Variants in ENTPD3 observed in about 807,000 individuals in gnomAD.
ENTPD3 encodes CD39 antigen-like 3.
In ENTPD3, 60 loss-of-function variants were observed where a neutral mutation model predicts 51.2. That is an observed-to-expected ratio of 1.17 (90% CI 0.95 to 1.45). The LOEUF (loss-of-function observed/expected upper bound fraction) is 1.45, where lower values mean the gene tolerates loss of function less well. Ranked by LOEUF, ENTPD3 falls within the 40% of genes most tolerant of loss-of-function variation. ENTPD3 has a pLI of 0.00. For synonymous variants in ENTPD3, 221 were observed against 238.4 expected, an observed-to-expected ratio of 0.93 and a Z score of 0.67; for missense variants, 593 against 641.1, an observed-to-expected ratio of 0.93 and a Z score of 0.81.
intron 9 of ENTPD3, 36 bp from the exon 10 acceptor site, chr3:40,423,790 G>T (rs754955139): frequency 1.2e-6 from 2 of 1,607,922 alleles, no homozygotes; most frequent in East Asian, 4.5e-5. Flanking sequence ...AAACATACCT[G>T]CCTGCCCTGC....
At chr3:40,412,284 T>C (rs147958219) in intron 5 of ENTPD3, among the ~76,000 whole-genome samples, 73 of 152,312 alleles carry the variant, frequency 4.8e-4, no homozygotes, top group Middle Eastern at 6.8e-3. Context: ...AGTTGGCATT[T>C]GACACCTGTG....
chr3:40,411,524 G>T (rs944197102), intron 4 of ENTPD3, among the ~76,000 whole-genome samples: 2 of 151,974 alleles, frequency 1.3e-5, no homozygotes, highest in African/African-American at 4.8e-5. Flanking sequence ...AGATGCATGA[G>T]TTTCAATATA....
At chr3:40,410,900 AGAG>A (rs747255221) in intron 4 of ENTPD3, among the ~76,000 whole-genome samples, 2 of 152,190 alleles carry the variant, frequency 1.3e-5, no homozygotes, top group Non-Finnish European at 2.9e-5. Context: ...GGAGGGATGA[AGAG>A]GAGGAGTAGG....
At chr3:40,410,783 G>C (rs562737464) in intron 4 of ENTPD3, among the ~76,000 whole-genome samples, 173 of 144,342 alleles carry the variant, frequency 1.2e-3, no homozygotes, top group Middle Eastern at 3.4e-3. Flanking sequence ...AAAATAGAAA[G>C]GGAAGGCAGA....
Position 40,427,331 on chromosome 3 carries a change from C to A in ENTPD3, c.1413C>A (p.Ile471=). 6.2e-7 allele frequency: 1 copy of A among 1,614,158 alleles called. No homozygotes were observed. Residue 471 remains isoleucine, a synonymous_variant, in exon 11 of 11, where the codon ATC becomes ATA. Transcript: ENST00000301825. ...ACATGCTCAGCCTGACCAACCAGATCCCAGCTGAAAGCCCTCTGATCCGTC... is the reference window on the plus strand; with the variant it reads ...ACATGCTCAGCCTGACCAACCAGATACCAGCTGAAAGCCCTCTGATCCGTC... ...LGYMLSLTNQ[I]PAESPLIRLP...
chr3:40,403,765 A>G (rs1235701123), intron 4 of ENTPD3, among the ~76,000 whole-genome samples: 1 of 149,972 alleles, frequency 6.7e-6, no homozygotes, highest in Non-Finnish European at 1.5e-5. Context: ...CAGTCTTCCT[A>G]TCTCAGCCTC....
At chr3:40,411,662 G>A (rs1955633246) in intron 4 of ENTPD3, 150 bp from the exon 5 acceptor site, 2 of 578,602 alleles carry the variant, frequency 3.5e-6, no homozygotes, top group Non-Finnish European at 5.7e-6. Context: ...ACTGATCAGT[G>A]TGACCATACG....
chr3:40,414,747 C>T lies in ENTPD3; in HGVS notation c.504C>T (p.Pro168=), dbSNP rs1205626981. 3.7e-6 allele frequency: 6 copies of T among 1,613,978 alleles called. No individual in the cohort carries two copies. The African/African-American group carries it at 6.7e-5, about 18-fold the overall frequency. The change falls in exon 6 of 11, where the codon CCC becomes CCT. Residue 168 remains proline (P), a synonymous_variant. Transcript: ENST00000301825. ...ESIQSYFKSQ[P]FDFRGAQIIS... ...TCCAAAGCTACTTCAAGTCCCAGCC[C>T]TTTGACTTTAGGGGTGCTCAAATCA...
Position 40,427,403 on chromosome 3 carries a change from A to C in ENTPD3, c.1485A>C (p.Thr495=), listed in dbSNP as rs1426815414. The C allele has an allele frequency of 6.2e-7, 1 of 1,613,708 alleles. No homozygotes were observed. Among genetic ancestry groups the C allele is most frequent in the South Asian group, 1.1e-5 (1 of 91,084 alleles). The change falls in exon 11 of 11, where the codon ACA becomes ACC. Residue 495 remains threonine (T), a synonymous_variant. Transcript: ENST00000301825. ...TTGTGGGCACCCTCGCTTTCTTCACAGCGGCAGCCTTGCTGTGTCTGGCAT... is the reference window on the plus strand; with the variant it reads ...TTGTGGGCACCCTCGCTTTCTTCACCGCGGCAGCCTTGCTGTGTCTGGCAT... ...PVFVGTLAFF[T]AAALLCLAFL...
At chr3:40,418,907 GA>G (rs35636349) in intron 7 of ENTPD3, among the ~76,000 whole-genome samples, 1 of 151,532 alleles carries the variant, frequency 6.6e-6, no homozygotes, top group African/African-American at 2.4e-5. Context: ...AACTTAAAAA[GA>G]AAAAAAATTG....
chr3:40,403,172 T>G (rs950211919), intron 4 of ENTPD3, among the ~76,000 whole-genome samples: 3 of 152,142 alleles, frequency 2.0e-5, no homozygotes, highest in Non-Finnish European at 4.4e-5. Flanking sequence ...ACCAAGAGTC[T>G]TCTTTGGCTA....
chr3:40,424,787 G>A (rs1157673778), intron 10 of ENTPD3: 1 of 701,988 alleles, frequency 1.4e-6, no homozygotes, highest in African/African-American at 1.7e-5. Context: ...TATGAAGCCT[G>A]AAGGATGTCT....
chr3:40,427,182 C>T (rs1956001472), intron 10 of ENTPD3, 90 bp from the exon 11 acceptor site: 1 of 1,056,256 alleles, frequency 9.5e-7, no homozygotes, highest in Admixed American at 1.8e-5. Flanking sequence ...CCCATGGGAG[C>T]TTTGTGAGGT....
intron 10 of ENTPD3, among the ~76,000 whole-genome samples, chr3:40,425,676 C>T (rs1955966478): frequency 6.6e-6 from 1 of 151,936 alleles, no homozygotes. Context: ...GCAGGTGAAT[C>T]ATTTGAGGTC....
At chr3:40,406,867 A>G (rs1271051705) in intron 4 of ENTPD3, among the ~76,000 whole-genome samples, 1 of 152,108 alleles carries the variant, frequency 6.6e-6, no homozygotes. Flanking sequence ...CAGCCTCCAC[A>G]ACAAAGAATT....
In ENTPD3 at chr3:40,423,387, C is replaced by A. The variant is rs199991598; in HGVS notation, c.1201C>A (p.Gln401Lys). The change falls in exon 9 of 11, where the codon CAG becomes AAG. Residue 401 changes from glutamine (Q) to lysine (K), a missense_variant. By Grantham distance (53) the Gln-to-Lys change is moderately conservative. Transcript: ENST00000301825. ...CTCCAGCACCTGGAATTTCTGCTCA[C>A]AGAATTGGAGTCAGGTCAGTATTTA... Reference protein sequence around the residue: ...FNSSTWNFCSQNWSQLPLLLP... With the variant: ...FNSSTWNFCSKNWSQLPLLLP... 2.6e-5 allele frequency: 42 copies of A among 1,611,564 alleles called. 1 individual carries two copies. The African/African-American group carries it at 5.3e-4, about 21-fold the overall frequency.
chr3:40,424,226 G>A (rs2125612748), intron 10 of ENTPD3: 1 of 927,128 alleles, frequency 1.1e-6, no homozygotes, highest in Middle Eastern at 5.5e-4. Context: ...ACCTGTCTTG[G>A]TATCTTCATA....
At chr3:40,422,469 T>C (rs1165426545) in intron 7 of ENTPD3, among the ~76,000 whole-genome samples, 1 of 151,206 alleles carries the variant, frequency 6.6e-6, no homozygotes, top group Non-Finnish European at 1.5e-5. Context: ...AACTCGTCAT[T>C]TAGCATTAGG....
At chr3:40,393,742 G>C (rs1016607447) in intron 3 of ENTPD3, among the ~76,000 whole-genome samples, 2 of 152,088 alleles carry the variant, frequency 1.3e-5, no homozygotes, top group Non-Finnish European at 2.9e-5. Flanking sequence ...CTAAAAGAAG[G>C]TGTTTTCCCA....
Sources: gnomAD v4.1 joint callset for allele counts (sites outside exome capture counted in the v4.1 genomes callset) on GRCh38, gnomAD v4.1.1 for gene constraint, MANE v1.5 for transcripts, NCBI Gene and HGNC (gene_info 2026-07-23, HGNC 2026-07-21) for gene names.